Variants in ZFYVE26 observed in about 807,000 individuals in gnomAD.
ZFYVE26 encodes the protein zinc finger FYVE-type containing 26.
ZFYVE26 carries 181 observed loss-of-function variants against 276.5 expected under a neutral mutation model. The observed-to-expected ratio is 0.65, with a 90% CI of 0.58 to 0.74. The LOEUF (loss-of-function observed/expected upper bound fraction) is 0.74. Among genes scored for constraint, ZFYVE26 ranks in the 30% least tolerant of loss-of-function variants. The pLI, the probability that ZFYVE26 is intolerant of heterozygous loss-of-function variation, is 0.00. For synonymous variants in ZFYVE26, 1,129 were observed against 1,203.1 expected (o/e 0.94, Z 1.27); for missense variants, 2,821 against 3,097.9 (o/e 0.91, Z 2.12).
intron 27 of ZFYVE26, among the ~76,000 whole-genome samples, chr14:67,772,464 G>C (rs192201319): frequency 6.6e-6 from 1 of 152,200 alleles, no homozygotes; most frequent in African/African-American, 2.4e-5. Context: ...CCAGCTTCTA[G>C]ACCTAACTAC....
Position 67,769,697 on chromosome 14 carries a change from G to A in ZFYVE26, c.5518C>T (p.Arg1840Trp), listed in dbSNP as rs761008228. The change falls in exon 29 of 42, where the codon CGG becomes TGG. Residue 1840 changes from arginine (R) to tryptophan (W), a missense_variant. By Grantham distance (101) the Arg-to-Trp change is moderately radical. Transcript: ENST00000347230. Reference protein sequence around the residue: ...NRRHHCRRCGRLVCSSCSTKK... With the variant: ...NRRHHCRRCGWLVCSSCSTKK... ...GTGGAGCAGGAGCTGCACACTAGCC[G>A]GCCACAGCGGCGACAATGATGACGC... is the stretch of plus-strand genomic sequence containing the variant. 1.2e-5 allele frequency: 19 copies of A among 1,613,974 alleles called. No homozygotes were observed. Among genetic ancestry groups the A allele is most frequent in the South Asian group, 5.5e-5 (5 of 91,076 alleles).
At chr14:67,764,751 T>C (rs2039015184) in intron 32 of ZFYVE26, among the ~76,000 whole-genome samples, 1 of 152,184 alleles carries the variant, frequency 6.6e-6, no homozygotes, top group Admixed American at 6.5e-5. Flanking sequence ...TAGAAACCAT[T>C]GCTGTAAACT....
At chr14:67,770,765 T>G (rs2039189071) in intron 28 of ZFYVE26, among the ~76,000 whole-genome samples, 1 of 152,174 alleles carries the variant, frequency 6.6e-6, no homozygotes, top group Admixed American at 6.5e-5. Flanking sequence ...ATTTAAAGAT[T>G]AGAAACTCTT....
At position 67,775,124 on chromosome 14, in the gene ZFYVE26, G is replaced by C. The variant is rs370725103; in HGVS notation, c.5222-10C>G. ...AGGTGAATCACAGAATCTGTAGAGA[G>C]GGAAAATGCTGACAAAATATGGTTC... is the stretch of plus-strand genomic sequence containing the variant. On this transcript the variant is annotated splice_polypyrimidine_tract_variant and intron_variant, in intron 26 of 41. Coordinates refer to ENST00000347230, the MANE Select transcript of ZFYVE26 (RefSeq NM_015346.4). The C allele has an allele frequency of 3.0e-5, 47 of 1,585,312 alleles. No individual in the cohort carries two copies. The African/African-American group carries it at 5.3e-4, about 18-fold the overall frequency.
chr14:67,768,901 A>T (rs975978934), intron 29 of ZFYVE26, among the ~76,000 whole-genome samples: 2 of 152,242 alleles, frequency 1.3e-5, no homozygotes, highest in Non-Finnish European at 2.9e-5. Flanking sequence ...ATGGAGGAGA[A>T]TAGAAAATCT....
rs1286819798 is a variant in ZFYVE26 at position 67,766,246 on chromosome 14, C to A, written c.5992G>T (p.Asp1998Tyr). ...CTCTACCTGTCACAAAGAGCCAAGTCTTGGCTCTGGCCGGCTTTGACGAAC... is the reference window on the plus strand; with the variant it reads ...CTCTACCTGTCACAAAGAGCCAAGTATTGGCTCTGGCCGGCTTTGACGAAC... ...MMFVKAGQSQ[D>Y]LALCDSYISK... Residue 1998 changes from aspartate (D) to tyrosine (Y), a missense_variant, in exon 32 of 42, where the codon GAC becomes TAC. By Grantham distance (160) the Asp-to-Tyr change is radical. Transcript: ENST00000347230. The A allele has an allele frequency of 6.2e-7, 1 of 1,614,110 alleles. No individual in the cohort carries two copies. The highest frequency in any genetic ancestry group is 1.7e-5 in the Admixed American group (1 of 60,032).
rs774454090 is a variant in ZFYVE26, at chr14:67,798,178, T to C, written c.2084A>G (p.Gln695Arg). 87 of 1,614,052 alleles carry C rather than the reference T, an allele frequency of 5.4e-5. 1 individual carries two copies. The Middle Eastern group carries it at 1.2e-3, about 21-fold the overall frequency. The change falls in exon 11 of 42, where the codon CAA (glutamine) becomes CGA (arginine). Residue 695 changes from glutamine (Q) to arginine (R), a missense_variant. By Grantham distance (43) the Gln-to-Arg change is conservative. Transcript: ENST00000347230. ...IGAFLRLLQE[Q>R]LDEISSRSPP... ...GCTGCGGCTACTGATCTCATCCAGT[T>C]GCTCTTGGAGAAGCCTGAGGAAGGC...
At chr14:67,800,560 C>T (rs1486357077) in intron 10 of ZFYVE26, among the ~76,000 whole-genome samples, 7 of 152,046 alleles carry the variant, frequency 4.6e-5, no homozygotes, top group African/African-American at 1.5e-4. Flanking sequence ...TCTTAGAGGC[C>T]CCTTTCTGAC....
intron 16 of ZFYVE26, among the ~76,000 whole-genome samples, chr14:67,787,401 T>G (rs1020991917): frequency 2.0e-5 from 3 of 152,090 alleles, no homozygotes; most frequent in African/African-American, 7.2e-5. Flanking sequence ...TAGTATTTAA[T>G]AGCATAACAT....
At chr14:67,811,674 T>C (rs1306044858) in intron 3 of ZFYVE26, among the ~76,000 whole-genome samples, 2 of 151,592 alleles carry the variant, frequency 1.3e-5, no homozygotes, top group Admixed American at 1.3e-4. Flanking sequence ...GTTAGTCTTA[T>C]TTCTGCTATT....
At chr14:67,786,452 C>T (rs933498699) in intron 16 of ZFYVE26, among the ~76,000 whole-genome samples, 8 of 152,222 alleles carry the variant, frequency 5.3e-5, no homozygotes, top group Admixed American at 2.6e-4. Flanking sequence ...CTGTCAACAA[C>T]ATCAGCAGAT....
downstream of ZFYVE26, among the ~76,000 whole-genome samples, chr14:67,744,967 T>C (rs1408324201): frequency 6.6e-6 from 1 of 152,224 alleles, no homozygotes; most frequent in Non-Finnish European, 1.5e-5. Context: ...TTTCTGGTTC[T>C]AGGTCCTTAA....
Position 67,769,630 on chromosome 14 carries a change from C to G in ZFYVE26, c.5585G>C (p.Arg1862Pro). 3.7e-6 allele frequency: 6 copies of G among 1,613,992 alleles called. No homozygotes were observed. The highest frequency in any genetic ancestry group is 5.1e-6 in the Non-Finnish European group (6 of 1,179,904). Residue 1862 changes from arginine (R) to proline (P), a missense_variant, in exon 29 of 42, where the codon CGT becomes CCT. Physicochemically the swap from Arg to Pro is moderately radical, Grantham distance 103 (BLOSUM62 -2). Coordinates refer to ENST00000347230, the MANE Select transcript of ZFYVE26 (RefSeq NM_015346.4). ...GTAACTATAGCACTGATCACACACA[C>G]GAGCAGGGTTCTCTCTGCAGCCTTC... ...VVEGCRENPA[R>P]VCDQCYSYCN...
chr14:67,775,061 G>A lies in ZFYVE26; in HGVS notation c.5275C>T (p.Leu1759Phe), dbSNP rs2039304879. The change falls in exon 27 of 42, where the codon CTC (leucine) becomes TTC (phenylalanine). Residue 1759 changes from leucine to phenylalanine, a missense_variant. By Grantham distance (22) the Leu-to-Phe change is conservative (BLOSUM62 0). Coordinates refer to ENST00000347230, the MANE Select transcript of ZFYVE26 (RefSeq NM_015346.4). ...AACTCTGCTGATGGTGATCTAGGGAGGGTCTCGGGATCTGCAGCCTGGTGG... is the reference window on the plus strand; with the variant it reads ...AACTCTGCTGATGGTGATCTAGGGAAGGTCTCGGGATCTGCAGCCTGGTGG... Reference protein sequence around the residue: ...IVHQAADPETLPRSPSAEFSP... With the variant: ...IVHQAADPETFPRSPSAEFSP... 6.2e-7 allele frequency: 1 copy of A among 1,613,248 alleles called. No individual in the cohort carries two copies. Among genetic ancestry groups the A allele is most frequent in the Non-Finnish European group, 8.5e-7 (1 of 1,179,758 alleles).
chr14:67,764,849 T>C (rs1259838739), intron 32 of ZFYVE26, among the ~76,000 whole-genome samples: 2 of 152,230 alleles, frequency 1.3e-5, no homozygotes, highest in African/African-American at 4.8e-5. Context: ...AGCCTAAAAA[T>C]GGATATTTCC....
At chr14:67,773,944 G>A (rs1294135371) in intron 27 of ZFYVE26, among the ~76,000 whole-genome samples, 1 of 152,146 alleles carries the variant, frequency 6.6e-6, no homozygotes, top group Admixed American at 6.5e-5. Flanking sequence ...CAGGGGACTG[G>A]TGAAAAGGGT....
chr14:67,777,645 A>G lies in ZFYVE26; in HGVS notation c.4888T>C (p.Leu1630=), dbSNP rs760896920. The change falls in exon 25 of 42, where the codon TTG becomes CTG. Residue 1630 remains leucine (L), a synonymous_variant. Transcript: ENST00000347230. ...QHTSLATSHF[L]ANYLTTHFYG... ...AAGTGGGTGGTGAGGTAGTTGGCCAAGAAGTGAGAAGTGGCCAAGCTAGTG... is the reference window on the plus strand; with the variant it reads ...AAGTGGGTGGTGAGGTAGTTGGCCAGGAAGTGAGAAGTGGCCAAGCTAGTG... The G allele has an allele frequency of 1.2e-6, 2 of 1,614,176 alleles. No homozygotes were observed. The highest frequency in any genetic ancestry group is 4.5e-5 in the East Asian group (2 of 44,888).
chr14:67,755,867 C>G (rs1244446140), intron 36 of ZFYVE26, 81 bp downstream of exon 36: 1 of 1,542,470 alleles, frequency 6.5e-7, no homozygotes, highest in African/African-American at 1.4e-5. Context: ...ATGACAGTCT[C>G]ATTCCCTCAT....
intron 27 of ZFYVE26, among the ~76,000 whole-genome samples, chr14:67,774,083 A>G (rs2039280684): frequency 6.6e-6 from 1 of 152,190 alleles, no homozygotes. Flanking sequence ...GTTTGTTAAC[A>G]TTTGTAACCT....
Sources: gnomAD v4.1 joint callset for allele counts (sites outside exome capture counted in the v4.1 genomes callset) on GRCh38, gnomAD v4.1.1 for gene constraint, MANE v1.5 for transcripts, NCBI Gene and HGNC (gene_info 2026-07-23, HGNC 2026-07-21) for gene names.